RAB5A: variants seen among roughly 807,000 people sequenced by gnomAD.
The protein encoded by RAB5A is ras-related protein Rab-5A.
Under a neutral mutation model 25.7 loss-of-function variants are expected in RAB5A, and 8 were observed. The ratio of observed to expected loss-of-function variants is 0.31; its 90% confidence interval spans 0.18 to 0.56. The LOEUF (loss-of-function observed/expected upper bound fraction) is 0.56. RAB5A is among the 20% of genes least tolerant of loss of function. RAB5A has a pLI of 0.91. For missense variants in RAB5A, 192 were observed against 259.7 expected (o/e 0.74, Z 1.79); for synonymous variants, 98 against 89.8 (o/e 1.09, Z -0.52).
rs1456057536 is a variant in RAB5A at position 19,966,796 on chromosome 3, T to G, written c.164-8805T>G. On this transcript the variant is annotated intron_variant, in intron 2 of 5. Transcript: ENST00000273047. ...CATCTTTCCATGTGCTTATTGGATT[T>G]ATTTATTTATTTGTTTCGGTTTTTT... 3.3e-5 allele frequency among the ~76,000 whole-genome samples: 5 copies of G among 152,282 alleles called. No homozygotes were observed. The East Asian group carries it at 5.8e-4, about 18-fold the overall frequency.
intron 2 of RAB5A, among the ~76,000 whole-genome samples, chr3:19,966,807 T>TTATG (rs1159385904): frequency 6.6e-6 from 1 of 152,112 alleles, no homozygotes; most frequent in African/African-American, 2.4e-5. Flanking sequence ...ATTTATTTAT[T>TTATG]TGTTTCGGTT....
chr3:19,978,400 A>G lies in RAB5A; in HGVS notation c.529A>G (p.Ile177Val), dbSNP rs779142398. 1.2e-5 allele frequency: 18 copies of G among 1,563,086 alleles called. No homozygotes were observed. The highest frequency in any genetic ancestry group is 1.6e-5 in the Non-Finnish European group (18 of 1,134,530). The change falls in exon 5 of 6, where the codon ATA becomes GTA. Residue 177 changes from isoleucine (I) to valine (V), a missense_variant. Physicochemically the swap from Ile to Val is conservative, Grantham distance 29 (BLOSUM62 3). Transcript: ENST00000273047. Reference sequence around the variant, plus strand: ...GAATGTAAATGAAATATTCATGGCAATAGGTAAGATTAATATCTCTTTTTA... The same window carrying G: ...GAATGTAAATGAAATATTCATGGCAGTAGGTAAGATTAATATCTCTTTTTA... ...SMNVNEIFMA[I>V]AKKLPKNEPQ... is the part of the protein sequence containing the mutation.
intron 5 of RAB5A, among the ~76,000 whole-genome samples, chr3:19,982,812 G>T (rs1444888748): frequency 6.6e-6 from 1 of 151,862 alleles, no homozygotes; most frequent in Non-Finnish European, 1.5e-5. Context: ...AAGGCCAAAG[G>T]CTGTGGAAGC....
Position 19,984,254 on chromosome 3 carries a change from G to A in RAB5A, c.*431G>A. 4.7e-6 allele frequency: 2 copies of A among 429,734 alleles called. No individual in the cohort carries two copies. Among genetic ancestry groups the A allele is most frequent in the Non-Finnish European group, 9.1e-6 (2 of 220,140 alleles). The allele number at this position is 429,734 out of a possible 1,614,324, so 26.6% of individuals were successfully genotyped here. A position where few individuals can be genotyped will look rare whatever the true frequency, so the allele number is the denominator to read the frequency against. On this transcript the variant is annotated 3_prime_UTR_variant, in exon 6 of 6. Coordinates refer to ENST00000273047, the MANE Select transcript of RAB5A (RefSeq NM_004162.5). ...AGGAGATTCTAAAGTTATTTATGAT[G>A]CTTAGCCATAGTATTCAGGCAAATG...
At chr3:19,965,445 G>A (rs866364620) in intron 2 of RAB5A, among the ~76,000 whole-genome samples, 3 of 151,428 alleles carry the variant, frequency 2.0e-5, no homozygotes, top group Non-Finnish European at 2.9e-5. Context: ...AACTTAGGGC[G>A]ACGATGTTCA....
At chr3:19,948,743 G>A (rs1696374372) in intron 1 of RAB5A, among the ~76,000 whole-genome samples, 1 of 148,520 alleles carries the variant, frequency 6.7e-6, no homozygotes, top group Non-Finnish European at 1.5e-5. Flanking sequence ...AATCTTGTTT[G>A]ATTTTTTTTT....
Position 19,985,122 on chromosome 3 carries a change from TGTTTA to T in RAB5A, c.*1304_*1308del, listed in dbSNP as rs1697008316. 2.8e-6 allele frequency: 1 copy of T among 359,658 alleles called. No individual in the cohort carries two copies. The highest frequency in any genetic ancestry group is 4.3e-5 in the Admixed American group (1 of 23,034). 22.3% of individuals were successfully genotyped at this position (359,658 alleles called of 1,614,324 possible). On this transcript the variant is annotated 3_prime_UTR_variant, in exon 6 of 6. Coordinates refer to ENST00000273047, the MANE Select transcript of RAB5A (RefSeq NM_004162.5). ...CAGAATTAGGAAAACGGTTCACCAG[TGTTTA>T]GTTTTATATTGAGGTGCTCAGGTTG... is the stretch of plus-strand genomic sequence containing the variant.
chr3:19,969,992 GGTTTTC>G (rs1696721953), intron 2 of RAB5A, among the ~76,000 whole-genome samples: 1 of 145,936 alleles, frequency 6.9e-6, no homozygotes, highest in Non-Finnish European at 1.5e-5. Context: ...AGTAGAGACG[GGTTTTC>G]ACCATGTTGG....
At chr3:19,979,506 C>CA (rs1696882327) in intron 5 of RAB5A, among the ~76,000 whole-genome samples, 1 of 151,570 alleles carries the variant, frequency 6.6e-6, no homozygotes, top group African/African-American at 2.4e-5. Flanking sequence ...AGGATGGTCT[C>CA]AATCTCCTGA....
At chr3:19,981,502 T>C (rs2125133526) in intron 5 of RAB5A, among the ~76,000 whole-genome samples, 1 of 151,994 alleles carries the variant, frequency 6.6e-6, no homozygotes, top group South Asian at 2.1e-4. Flanking sequence ...TAGTCCCAGC[T>C]ACTTGGGAGG....
At chr3:19,969,030 G>GTTTTTTTTTTTTTTTTTTTT (rs202101955) in intron 2 of RAB5A, among the ~76,000 whole-genome samples, 1 of 112,150 alleles carries the variant, frequency 8.9e-6, no homozygotes, top group Non-Finnish European at 1.7e-5. Flanking sequence ...TTTTGGTTTT[G>GTTTTTTTTTTTTTTTTTTTT]GTTTTTTTTT....
chr3:19,975,499 G>A (rs940958549), intron 2 of RAB5A, 102 bp from the exon 3 acceptor site: 1 of 1,116,098 alleles, frequency 9.0e-7, no homozygotes, highest in African/African-American at 1.6e-5. Flanking sequence ...TACTTACGGG[G>A]TACAGTGTGA....
intron 2 of RAB5A, among the ~76,000 whole-genome samples, chr3:19,964,813 T>C (rs748697918): frequency 6.6e-6 from 1 of 152,170 alleles, no homozygotes; most frequent in Non-Finnish European, 1.5e-5. Context: ...GGTTTCACCA[T>C]GTTGGCCGGG....
intron 2 of RAB5A, among the ~76,000 whole-genome samples, chr3:19,954,811 T>A (rs2125179676): frequency 6.6e-6 from 1 of 152,246 alleles, no homozygotes; most frequent in East Asian, 1.9e-4. Flanking sequence ...GTGAGAACCC[T>A]GTCTCAAAAA....
At chr3:19,950,668 AAGAT>A (rs149376324) in intron 1 of RAB5A, 134 bp from the exon 2 acceptor site, 69 of 389,816 alleles carry the variant, frequency 1.8e-4, no homozygotes, top group African/African-American at 1.3e-3. Flanking sequence ...TTTCCTTTAA[AAGAT>A]AGTGACATAA....
intron 2 of RAB5A, 76 bp from the exon 3 acceptor site, chr3:19,975,525 A>C: frequency 7.0e-7 from 1 of 1,425,954 alleles, no homozygotes; most frequent in Non-Finnish European, 9.6e-7. Context: ...TGATAGATGT[A>C]TACAAGCAGG....
At position 19,978,415 on chromosome 3, in the gene RAB5A, A is replaced by C; in HGVS notation, c.532+12A>C. ...ATTCATGGCAATAGGTAAGATTAATATCTCTTTTTAAATGATCAATATAAG... is the reference window on the plus strand; with the variant it reads ...ATTCATGGCAATAGGTAAGATTAATCTCTCTTTTTAAATGATCAATATAAG... On this transcript the variant is annotated intron_variant, in intron 5 of 5. Coordinates refer to ENST00000273047, the MANE Select transcript of RAB5A (RefSeq NM_004162.5). 2 of 1,532,450 alleles carry C rather than the reference A, an allele frequency of 1.3e-6. No individual in the cohort carries two copies. The highest frequency in any genetic ancestry group is 2.3e-5 in the South Asian group (2 of 88,684). The allele number at this position is 1,532,450 out of a possible 1,614,324, so 94.9% of individuals were successfully genotyped here. A position where few individuals can be genotyped will look rare whatever the true frequency, so the allele number is the denominator to read the frequency against.
chr3:19,971,058 G>A (rs184142583), intron 2 of RAB5A, among the ~76,000 whole-genome samples: 54 of 152,032 alleles, frequency 3.6e-4, no homozygotes, highest in Admixed American at 7.2e-4. Context: ...TTAGCCAGAC[G>A]TGGTGGTGGC....
chr3:19,984,269 T>C lies in RAB5A; in HGVS notation c.*446T>C. On this transcript the variant is annotated 3_prime_UTR_variant, in exon 6 of 6. Coordinates refer to ENST00000273047, the MANE Select transcript of RAB5A (RefSeq NM_004162.5). Reference sequence around the variant, plus strand: ...TATTTATGATGCTTAGCCATAGTATTCAGGCAAATGTTCATTTCTCCTGGT... The same window carrying C: ...TATTTATGATGCTTAGCCATAGTATCCAGGCAAATGTTCATTTCTCCTGGT... 2.3e-6 allele frequency: 1 copy of C among 430,832 alleles called. No homozygotes were observed. Among genetic ancestry groups the C allele is most frequent in the African/African-American group, 2.1e-5 (1 of 48,020 alleles). The allele number at this position is 430,832 out of a possible 1,614,324, so 26.7% of individuals were successfully genotyped here.
Sources: allele counts gnomAD v4.1 joint callset (sites outside exome capture counted in the v4.1 genomes callset), GRCh38; gene constraint gnomAD v4.1.1; transcripts MANE v1.5; gene names NCBI Gene and HGNC (gene_info 2026-07-23, HGNC 2026-07-21).